Variants in AUTS2 observed in about 807,000 individuals in gnomAD.
AUTS2 encodes the protein autism susceptibility gene 2 protein.
Under a neutral mutation model 112.4 loss-of-function variants are expected in AUTS2, and 17 were observed. The ratio of observed to expected loss-of-function variants is 0.15; its 90% CI spans 0.10 to 0.23. AUTS2 has a LOEUF of 0.23. AUTS2 is among the 10% of genes least tolerant of loss of function. AUTS2 has a pLI of 1.00. For synonymous variants in AUTS2, 751 were observed against 702.7 expected (o/e 1.07, Z -1.09); for missense variants, 1,510 against 1,701.6 (o/e 0.89, Z 1.98).
At chr7:69,823,233 C>T (rs1791080689) in intron 1 of AUTS2, among the ~76,000 whole-genome samples, 1 of 152,176 alleles carries the variant, frequency 6.6e-6, no homozygotes, top group Non-Finnish European at 1.5e-5. Context: ...GCTGTATCTG[C>T]CTTGCTGCCT....
chr7:70,189,914 T>C (rs370483096), intron 4 of AUTS2, among the ~76,000 whole-genome samples: 1 of 152,116 alleles, frequency 6.6e-6, no homozygotes, highest in South Asian at 2.1e-4. Context: ...AGGAAAGGCT[T>C]ATTTGGCCTT....
chr7:70,565,962 G>A (rs1331673811), intron 5 of AUTS2, among the ~76,000 whole-genome samples: 4 of 152,142 alleles, frequency 2.6e-5, no homozygotes, highest in South Asian at 2.1e-4. Context: ...CTACAGAAGC[G>A]TGTATGGAGC....
At chr7:70,644,387 G>T (rs1408198443) in intron 5 of AUTS2, among the ~76,000 whole-genome samples, 1 of 152,128 alleles carries the variant, frequency 6.6e-6, no homozygotes, top group Non-Finnish European at 1.5e-5. Context: ...AGAGGGAACT[G>T]CACGTTCTTG....
At chr7:69,861,240 A>G (rs1792969395) in intron 1 of AUTS2, among the ~76,000 whole-genome samples, 1 of 152,180 alleles carries the variant, frequency 6.6e-6, no homozygotes, top group Non-Finnish European at 1.5e-5. Flanking sequence ...TCTGAAAGCA[A>G]TGCTTGAAGG....
chr7:70,773,166 T>G (rs1361796504), intron 11 of AUTS2, among the ~76,000 whole-genome samples: 1 of 151,900 alleles, frequency 6.6e-6, no homozygotes, highest in Non-Finnish European at 1.5e-5. Context: ...TTTCTTTCAT[T>G]CTTTTCCCCC....
chr7:70,350,506 G>A (rs1330058510), intron 4 of AUTS2, among the ~76,000 whole-genome samples: 2 of 152,018 alleles, frequency 1.3e-5, no homozygotes, highest in Non-Finnish European at 2.9e-5. Context: ...GGCAGGCAAG[G>A]GACCATGTGC....
At chr7:69,872,834 CTTTTTTTTTTTTTTTT>C (rs1164356683) in intron 1 of AUTS2, among the ~76,000 whole-genome samples, 1 of 70,406 alleles carries the variant, frequency 1.4e-5, no homozygotes, top group Non-Finnish European at 2.6e-5. Context: ...AGCCTATATT[CTTTTTTTTTTTTTTTT>C]TTTTTTTTTT....
At chr7:69,905,995 CT>C (rs1313178561) in intron 2 of AUTS2, among the ~76,000 whole-genome samples, 1 of 152,120 alleles carries the variant, frequency 6.6e-6, no homozygotes, top group Admixed American at 6.5e-5. Flanking sequence ...GCATGCAGAA[CT>C]TTATTAAGGG....
intron 5 of AUTS2, among the ~76,000 whole-genome samples, chr7:70,452,619 C>T (rs1326973319): frequency 6.6e-6 from 1 of 152,066 alleles, no homozygotes; most frequent in Non-Finnish European, 1.5e-5. Context: ...AAATCAGCAC[C>T]CCAGGATCAG....
At chr7:70,004,034 A>G (rs1222282840) in intron 2 of AUTS2, among the ~76,000 whole-genome samples, 1 of 110,734 alleles carries the variant, frequency 9.0e-6, no homozygotes, top group Non-Finnish European at 1.7e-5. Flanking sequence ...GAATATATAT[A>G]TTATATATGA....
At chr7:70,686,502 T>A (rs888725817) in intron 5 of AUTS2, among the ~76,000 whole-genome samples, 2 of 152,122 alleles carry the variant, frequency 1.3e-5, no homozygotes. Flanking sequence ...TCCCCAAACA[T>A]AGAAATGGCT....
chr7:69,905,867 CAAT>C, intron 2 of AUTS2, among the ~76,000 whole-genome samples: 1 of 152,238 alleles, frequency 6.6e-6, no homozygotes, highest in East Asian at 1.9e-4. Flanking sequence ...AAAGGAACTG[CAAT>C]GAAAAGAATG....
At chr7:70,623,836 C>T (rs2129537081) in intron 5 of AUTS2, among the ~76,000 whole-genome samples, 1 of 152,296 alleles carries the variant, frequency 6.6e-6, no homozygotes, top group African/African-American at 2.4e-5. Flanking sequence ...ATATGGATAC[C>T]AACCTTTACG....
Position 70,694,267 on chromosome 7 carries a change from C to A in AUTS2, c.691-4302C>A, listed in dbSNP as rs368989042. 12 of 150,334 alleles carry A rather than the reference C, an allele frequency of 8.0e-5. No homozygotes were observed. In the East Asian group the frequency reaches 1.8e-3, roughly 22 times the overall value. The allele number at this position is 150,334 out of a possible 1,614,324, so 9.3% of individuals were successfully genotyped here. On this transcript the variant is annotated intron_variant, in intron 5 of 18. Coordinates refer to ENST00000342771, the MANE Select transcript of AUTS2 (RefSeq NM_015570.4). This position sits in a 1 kb window ranked among gnomAD's most constrained non-coding sequence, Gnocchi z 4.1. Reference sequence around the variant, plus strand: ...GAGCCCAGCCAGCCCCGGGCGCTCACCCGCCAGCCCGCAAGCTCCGGCCAG... The same window carrying A: ...GAGCCCAGCCAGCCCCGGGCGCTCAACCGCCAGCCCGCAAGCTCCGGCCAG...
At chr7:70,534,253 T>C (rs1441670553) in intron 5 of AUTS2, among the ~76,000 whole-genome samples, 1 of 152,216 alleles carries the variant, frequency 6.6e-6, no homozygotes, top group Admixed American at 6.5e-5. Context: ...GCTGCTCTTT[T>C]ACAATCCCTG....
At chr7:70,643,313 C>T (rs1805953589) in intron 5 of AUTS2, among the ~76,000 whole-genome samples, 1 of 152,246 alleles carries the variant, frequency 6.6e-6, no homozygotes, top group African/African-American at 2.4e-5. Context: ...TGGCTCACGC[C>T]CGTAATCCCA....
At chr7:69,602,166 A>G (rs528444269) in intron 1 of AUTS2, among the ~76,000 whole-genome samples, 4 of 151,764 alleles carry the variant, frequency 2.6e-5, no homozygotes, top group East Asian at 3.9e-4. Flanking sequence ...CTTGTGATAT[A>G]TATCTATTTA....
chr7:69,870,448 A>ATATATATATATATAT (rs1554395050), intron 1 of AUTS2, among the ~76,000 whole-genome samples: 1,247 of 78,972 alleles, frequency 0.016, 23 homozygotes, highest in East Asian at 0.033. Context: ...ATGTGTGTGT[A>ATATATATATATATAT]ATATATATAT....
intron 2 of AUTS2, among the ~76,000 whole-genome samples, chr7:70,106,429 G>A (rs763630274): frequency 1.1e-4 from 16 of 152,162 alleles, no homozygotes; most frequent in Admixed American, 3.3e-4. Flanking sequence ...AGTATTAAAA[G>A]AAGAATCAGG....
Sources: allele counts gnomAD v4.1 joint callset (sites outside exome capture counted in the v4.1 genomes callset), GRCh38; gene constraint gnomAD v4.1.1; non-coding constraint Gnocchi (gnomAD v3.1); transcripts MANE v1.5; gene names NCBI Gene and HGNC (gene_info 2026-07-23, HGNC 2026-07-21).